EYA4: variants seen among roughly 807,000 people sequenced by gnomAD.
EYA4 encodes the protein EYA transcriptional coactivator and phosphatase 4.
A neutral mutation model predicts 87.9 loss-of-function variants in EYA4; 31 were observed. That is an observed-to-expected ratio of 0.35 (90% CI 0.27 to 0.48). The LOEUF (loss-of-function observed/expected upper bound fraction) is 0.48. Among genes scored for constraint, EYA4 ranks in the 20% least tolerant of loss-of-function variants. The pLI is 0.99. For missense variants in EYA4, 678 were observed against 761.4 expected (o/e 0.89, Z 1.29); for synonymous variants, 263 against 270.6 (o/e 0.97, Z 0.28).
At chr6:133,388,033 G>A (rs1423532306) in intron 3 of EYA4, among the ~76,000 whole-genome samples, 1 of 152,088 alleles carries the variant, frequency 6.6e-6, no homozygotes, top group African/African-American at 2.4e-5. Context: ...CTTTGTTCAT[G>A]GTGGCATCTG....
At chr6:133,482,971 G>T in intron 12 of EYA4, 61 bp from the exon 13 acceptor site, 1 of 1,290,276 alleles carries the variant, frequency 7.8e-7, no homozygotes, top group Non-Finnish European at 1.1e-6. Context: ...TTTTCTGCTT[G>T]TAAAGAGATT....
intron 13 of EYA4, chr6:133,502,216 A>T (rs1441729889): frequency 2.0e-5 from 3 of 152,162 alleles, no homozygotes; most frequent in African/African-American, 7.2e-5. Flanking sequence ...TGGAACTGTT[A>T]TAATATGTAT....
intron 2 of EYA4, among the ~76,000 whole-genome samples, chr6:133,325,754 T>C (rs1781453057): frequency 6.6e-6 from 1 of 152,210 alleles, no homozygotes; most frequent in South Asian, 2.1e-4. Context: ...TTTTGGACCA[T>C]AGAGCCATGG....
chr6:133,372,262 G>A (rs1451249092), intron 2 of EYA4, among the ~76,000 whole-genome samples: 1 of 151,934 alleles, frequency 6.6e-6, no homozygotes, highest in East Asian at 1.9e-4. Context: ...TCAGCTCTTA[G>A]TTTACAGGTA....
At chr6:133,382,794 C>T (rs1036773225) in intron 3 of EYA4, among the ~76,000 whole-genome samples, 1 of 130,902 alleles carries the variant, frequency 7.6e-6, no homozygotes, top group East Asian at 2.2e-4. Context: ...TCTGTGTTTA[C>T]AAAAAAAAAA....
intron 2 of EYA4, among the ~76,000 whole-genome samples, chr6:133,349,987 T>C (rs969277664): frequency 1.3e-5 from 2 of 152,120 alleles, no homozygotes; most frequent in African/African-American, 4.8e-5. Context: ...TCAGAAAAGT[T>C]TGTAAAATAA....
At chr6:133,477,947 C>T (rs1287540258) in intron 11 of EYA4, among the ~76,000 whole-genome samples, 1 of 151,856 alleles carries the variant, frequency 6.6e-6, no homozygotes, top group East Asian at 1.9e-4. Flanking sequence ...AAAGATTTAA[C>T]AGTTACTTCA....
At chr6:133,431,975 T>A (rs1195488252) in intron 3 of EYA4, among the ~76,000 whole-genome samples, 1 of 151,948 alleles carries the variant, frequency 6.6e-6, no homozygotes, top group African/African-American at 2.4e-5. Flanking sequence ...GCCAATATCT[T>A]TTTCATGAGG....
chr6:133,313,846 A>G (rs1337774784), intron 2 of EYA4, among the ~76,000 whole-genome samples: 2 of 152,074 alleles, frequency 1.3e-5, no homozygotes, highest in East Asian at 3.9e-4. Context: ...ATGTTAGCAA[A>G]TGTATATGAA....
At chr6:133,309,157 A>G (rs1161885082) in intron 2 of EYA4, among the ~76,000 whole-genome samples, 1 of 151,972 alleles carries the variant, frequency 6.6e-6, no homozygotes, top group Non-Finnish European at 1.5e-5. Context: ...CTATTGTCCA[A>G]TATGATACAG....
At chr6:133,481,648 G>T (rs373322486) in intron 12 of EYA4, 49 bp downstream of exon 12, 142 of 1,579,426 alleles carry the variant, frequency 9.0e-5, no homozygotes, top group Non-Finnish European at 1.1e-4. Flanking sequence ...TTATTTTACC[G>T]AATGATACAT....
chr6:133,314,672 A>G (rs1248143337), intron 2 of EYA4, among the ~76,000 whole-genome samples: 1 of 152,196 alleles, frequency 6.6e-6, no homozygotes, highest in African/African-American at 2.4e-5. Context: ...TTTTCAACTA[A>G]AATTTGGTTA....
chr6:133,511,914 G>A (rs1562504323), intron 14 of EYA4, among the ~76,000 whole-genome samples: 1 of 151,950 alleles, frequency 6.6e-6, no homozygotes, highest in East Asian at 1.9e-4. Context: ...CCAGGAGGCA[G>A]AGCTTGCAGT....
At chr6:133,355,332 T>C (rs1414981) in intron 2 of EYA4, among the ~76,000 whole-genome samples, 28,582 of 152,176 alleles carry the variant, frequency 0.19, 3,340 homozygotes, top group South Asian at 0.34. Flanking sequence ...CATTACTGGA[T>C]GTATACCCAA....
chr6:133,400,766 CAATTTAACATA>C (rs1216139100), intron 3 of EYA4, among the ~76,000 whole-genome samples: 4 of 151,972 alleles, frequency 2.6e-5, no homozygotes, highest in African/African-American at 9.7e-5. Flanking sequence ...TTAGAATGTA[CAATTTAACATA>C]AATTTAACTG....
Position 133,274,297 on chromosome 6 carries a change from G to A in EYA4, c.-65-419G>A, listed in dbSNP as rs373540945. On this transcript the variant is annotated intron_variant, in intron 1 of 19. Coordinates refer to ENST00000355286, the MANE Select transcript of EYA4 (RefSeq NM_004100.5). ...TCTGATAATTCAAATTTTCCTGTAA[G>A]AGAAAGTTGTCATATTAAAATGCAC... 3.3e-5 allele frequency among the ~76,000 whole-genome samples: 5 copies of A among 152,246 alleles called. No homozygotes were observed. The East Asian group carries it at 7.7e-4, about 24-fold the overall frequency.
At chr6:133,363,961 G>A (rs1417627629) in intron 2 of EYA4, among the ~76,000 whole-genome samples, 1 of 152,160 alleles carries the variant, frequency 6.6e-6, no homozygotes, top group Non-Finnish European at 1.5e-5. Flanking sequence ...CTCCCACTCT[G>A]CTGCCTGATT....
chr6:133,440,611 AAGT>A (rs1366803343), intron 3 of EYA4, among the ~76,000 whole-genome samples: 1 of 152,238 alleles, frequency 6.6e-6, no homozygotes, highest in East Asian at 1.9e-4. Context: ...TGTTTGGAGA[AAGT>A]AGCATTTCTG....
chr6:133,287,251 T>TAACA (rs953547127), intron 2 of EYA4, among the ~76,000 whole-genome samples: 4 of 152,124 alleles, frequency 2.6e-5, no homozygotes, highest in African/African-American at 7.2e-5. Context: ...ATTGCAAAGG[T>TAACA]AACAGTACTA....
Sources: allele counts gnomAD v4.1 joint callset (sites outside exome capture counted in the v4.1 genomes callset), GRCh38; gene constraint gnomAD v4.1.1; transcripts MANE v1.5; gene names NCBI Gene and HGNC (gene_info 2026-07-23, HGNC 2026-07-21).